Variants in SYN2 observed in about 807,000 individuals in gnomAD.
The protein encoded by SYN2 is synapsin-2.
In SYN2, 19 loss-of-function variants were observed where a neutral mutation model predicts 50.9. That is an observed-to-expected ratio of 0.37 (90% CI 0.26 to 0.55). SYN2 has a LOEUF of 0.55. Ranked by LOEUF, SYN2 falls within the 20% of genes least tolerant of loss-of-function variation. The pLI is 0.81. For synonymous variants in SYN2, 255 were observed against 224.9 expected (o/e 1.13, Z -1.20); for missense variants, 587 against 576.4 (o/e 1.02, Z -0.19).
intron 5 of SYN2, among the ~76,000 whole-genome samples, chr3:12,160,945 A>G (rs1354485612): frequency 6.6e-6 from 1 of 152,202 alleles, no homozygotes; most frequent in Non-Finnish European, 1.5e-5. Context: ...GAATTCTTCT[A>G]CCGGCTCTCT....
chr3:12,090,862 G>T (rs1695810480), intron 1 of SYN2, among the ~76,000 whole-genome samples: 1 of 152,100 alleles, frequency 6.6e-6, no homozygotes, highest in African/African-American at 2.4e-5. Context: ...TTGCAGGAGA[G>T]GACAGCATAG....
At chr3:12,036,673 G>T (rs573205344) in intron 1 of SYN2, among the ~76,000 whole-genome samples, 4 of 152,252 alleles carry the variant, frequency 2.6e-5, no homozygotes, top group East Asian at 1.9e-4. Context: ...AATGCCTTCC[G>T]GGTCATTCTC....
intron 1 of SYN2, among the ~76,000 whole-genome samples, chr3:12,038,986 C>A (rs976748313): frequency 6.6e-6 from 1 of 152,036 alleles, no homozygotes. Flanking sequence ...TTGTTTTATT[C>A]CTCATTTTTG....
intron 1 of SYN2, among the ~76,000 whole-genome samples, chr3:12,132,447 A>G (rs1187970866): frequency 6.6e-6 from 1 of 152,238 alleles, no homozygotes; most frequent in African/African-American, 2.4e-5. Context: ...ACATTCTTGT[A>G]AGAGGCATAT....
chr3:12,036,224 T>G (rs1344816675), intron 1 of SYN2, among the ~76,000 whole-genome samples: 1 of 152,002 alleles, frequency 6.6e-6, no homozygotes, highest in African/African-American at 2.4e-5. Flanking sequence ...GTGGCCTCAT[T>G]CCTATGGCTT....
intron 1 of SYN2, among the ~76,000 whole-genome samples, chr3:12,032,027 C>G (rs999399001): frequency 2.1e-5 from 3 of 141,248 alleles, no homozygotes; most frequent in African/African-American, 7.5e-5. Flanking sequence ...ACCGGTTGTT[C>G]CTTTCCATGT....
At chr3:12,183,429 C>T in intron 11 of SYN2, 57 bp downstream of exon 11, 2 of 1,610,720 alleles carry the variant, frequency 1.2e-6, no homozygotes, top group East Asian at 2.2e-5. Context: ...AAAACAAGTC[C>T]AAGCTTCTTA....
chr3:12,161,562 T>C lies in SYN2; in HGVS notation c.791T>C (p.Phe264Ser). 1.2e-6 allele frequency: 2 copies of C among 1,614,018 alleles called. No homozygotes were observed. The highest frequency in any genetic ancestry group is 1.7e-6 in the Non-Finnish European group (2 of 1,179,894). The stretch of plus-strand genomic sequence containing the variant: ...TGATTTCAGCTGACACTGCCCACGT[T>C]CCCTGTGGTGGTGAAGATTGGCCAC... ...NHKEMLTLPT[F>S]PVVVKIGHAH... Residue 264 changes from phenylalanine (F) to serine (S), a missense_variant, in exon 6 of 13, where the codon TTC (phenylalanine) becomes TCC (serine). Physicochemically the swap from Phe to Ser is radical, Grantham distance 155. Transcript: ENST00000621198.
rs113719876 is a variant in SYN2 at position 12,057,153 on chromosome 3, G to A, written c.377+52225G>A. ...CTAAAAATACAAAAATTAGCTGGGC[G>A]TGGTGGCATGCGCCTGTAATCCCAG... On this transcript the variant is annotated intron_variant, in intron 1 of 12. Transcript: ENST00000621198. Among the ~76,000 whole-genome samples the A allele has an allele frequency of 2.1e-3, 313 of 152,134 alleles. 2 individuals are homozygous for A. Among genetic ancestry groups the A allele is most frequent in the African/African-American group, 6.8e-3 (281 of 41,496 alleles).
At chr3:12,107,872 T>A (rs1273359526) in intron 1 of SYN2, among the ~76,000 whole-genome samples, 1 of 152,090 alleles carries the variant, frequency 6.6e-6, no homozygotes, top group Non-Finnish European at 1.5e-5. Context: ...ATTCAACAAA[T>A]CTCCTAGAAT....
In SYN2 at chr3:12,138,584, G is replaced by A. The variant is rs116150093; in HGVS notation, c.378-2067G>A. Among the ~76,000 whole-genome samples the A allele has an allele frequency of 6.8e-3, 1,030 of 152,274 alleles. 11 individuals carry two copies. Among genetic ancestry groups the A allele is most frequent in the African/African-American group, 0.023 (959 of 41,548 alleles). On this transcript the variant is annotated intron_variant, in intron 1 of 12. Transcript: ENST00000621198. Reference sequence around the variant, plus strand: ...TCTGATTTGGGCATGTTATTTAATTGTCCTGGGCTTCAGTTTCCCCATCAG... The same window carrying A: ...TCTGATTTGGGCATGTTATTTAATTATCCTGGGCTTCAGTTTCCCCATCAG...
rs1272275329 is a variant in SYN2 at position 12,151,283 on chromosome 3, TC to T, written c.734del (p.Pro245LeufsTer15). On this transcript the variant is annotated frameshift_variant, in exon 5 of 13. Transcript: ENST00000621198. LOFTEE classifies it high-confidence loss of function. Reference protein sequence around the residue: ...AIYKTLGGEKFPLIEQTYYPN... With the variant: ...AIYKTLGGEKXPLIEQTYYPN... ...TATAAGACACTGGGAGGAGAAAAGT[TC>T]CCTCTCATTGAACAGACATACTACC... is the stretch of plus-strand genomic sequence containing the variant. 2.5e-6 allele frequency: 4 copies of T among 1,613,560 alleles called. No homozygotes were observed. The highest frequency in any genetic ancestry group is 3.4e-6 in the Non-Finnish European group (4 of 1,179,778).
chr3:12,156,691 CT>C, intron 5 of SYN2: 2 of 659,406 alleles, frequency 3.0e-6, no homozygotes, highest in Admixed American at 2.8e-5. Context: ...TAACACAGCT[CT>C]GTTTTATGCC....
At position 12,130,072 on chromosome 3, in the gene SYN2, T is replaced by C. The variant is rs1696760475; in HGVS notation, c.378-10579T>C. On this transcript the variant is annotated intron_variant, in intron 1 of 12. Transcript: ENST00000621198. ...ATCTGGACTTTCTAGCCTCCAGATC[T>C]GTGAGAAATAAATGTTGTTTAAGCC... is the stretch of plus-strand genomic sequence containing the variant. Among the ~76,000 whole-genome samples, 3 of 152,136 alleles carry C rather than the reference T, an allele frequency of 2.0e-5. No homozygotes were observed. The South Asian group carries it at 6.2e-4, about 31-fold the overall frequency.
intron 1 of SYN2, among the ~76,000 whole-genome samples, chr3:12,022,193 C>A (rs1195841499): frequency 2.0e-5 from 3 of 151,948 alleles, no homozygotes; most frequent in African/African-American, 7.3e-5. Flanking sequence ...ATGCTTTATT[C>A]TTTGCCTCAG....
At chr3:12,017,844 A>C (rs957890481) in intron 1 of SYN2, among the ~76,000 whole-genome samples, 11 of 152,324 alleles carry the variant, frequency 7.2e-5, no homozygotes, top group African/African-American at 2.6e-4. Flanking sequence ...AACCTAGATG[A>C]ATATTCCTTC....
chr3:12,028,634 A>G (rs1320394940), intron 1 of SYN2, among the ~76,000 whole-genome samples: 2,908 of 134,284 alleles, frequency 0.022, 66 homozygotes, highest in African/African-American at 0.1. Flanking sequence ...CAGTGATGAT[A>G]AGCATTTTTT....
At chr3:12,013,451 A>G (rs1422308068) in intron 1 of SYN2, among the ~76,000 whole-genome samples, 2 of 152,090 alleles carry the variant, frequency 1.3e-5, no homozygotes, top group Non-Finnish European at 2.9e-5. Flanking sequence ...TCTTAAGTAC[A>G]ATCAGTTCCC....
chr3:12,179,365 GAACTGAAAGAAA>G (rs1698169331), intron 10 of SYN2, among the ~76,000 whole-genome samples: 1 of 68,204 alleles, frequency 1.5e-5, no homozygotes, highest in Non-Finnish European at 2.7e-5. Context: ...CACACCGGAA[GAACTGAAAGAAA>G]AAAAAAAAAA....
Sources: gnomAD v4.1 joint callset for allele counts (sites outside exome capture counted in the v4.1 genomes callset) on GRCh38, gnomAD v4.1.1 for gene constraint, MANE v1.5 for transcripts, NCBI Gene and HGNC (gene_info 2026-07-23, HGNC 2026-07-21) for gene names.